Variants in VTI1A observed in about 807,000 individuals in gnomAD.
VTI1A encodes vesicle transport through interaction with t-SNAREs 1A, also known as vesicle transport through interaction with t-SNAREs homolog 1A.
Under a neutral mutation model 34.9 loss-of-function variants are expected in VTI1A, and 22 were observed. The observed-to-expected ratio is 0.63, with a 90% CI of 0.45 to 0.90. VTI1A has a LOEUF of 0.90. Among genes scored for constraint, VTI1A ranks in the 40% least tolerant of loss-of-function variants. The probability of loss-of-function intolerance (pLI) is 0.00; values close to 1 mark genes in which losing one functional copy is unlikely to be tolerated. For synonymous variants in VTI1A, 87 were observed against 97.3 expected (o/e 0.89, Z 0.62); for missense variants, 268 against 275.6 (o/e 0.97, Z 0.20).
At chr10:112,798,179 G>C (rs1234999222) in intron 7 of VTI1A, among the ~76,000 whole-genome samples, 1 of 152,156 alleles carries the variant, frequency 6.6e-6, no homozygotes, top group African/African-American at 2.4e-5. Context: ...CTGTGCAGGT[G>C]GGACCCTCAG....
intron 5 of VTI1A, among the ~76,000 whole-genome samples, chr10:112,628,776 A>C (rs1846016292): frequency 6.6e-6 from 1 of 152,150 alleles, no homozygotes; most frequent in Non-Finnish European, 1.5e-5. Context: ...TTTCTTATTT[A>C]AAGTCTTTTA....
intron 7 of VTI1A, among the ~76,000 whole-genome samples, chr10:112,719,358 T>C (rs987269768): frequency 6.6e-6 from 1 of 152,250 alleles, no homozygotes; most frequent in African/African-American, 2.4e-5. Context: ...CAAACATACA[T>C]GTTCCTTGCA....
downstream of VTI1A, among the ~76,000 whole-genome samples, chr10:112,822,636 C>G (rs888476394): frequency 6.6e-6 from 1 of 152,132 alleles, no homozygotes; most frequent in East Asian, 1.9e-4. Flanking sequence ...GTCAGAGACT[C>G]TCCGCTCAAT....
chr10:112,479,324 C>T (rs1031731643), intron 3 of VTI1A, among the ~76,000 whole-genome samples: 2 of 150,934 alleles, frequency 1.3e-5, no homozygotes, highest in East Asian at 1.9e-4. Flanking sequence ...GACTTAGACA[C>T]TACCTCAGAA....
intron 1 of VTI1A, chr10:112,448,970 C>T (rs1345576421): frequency 6.6e-6 from 1 of 152,204 alleles, no homozygotes; most frequent in Non-Finnish European, 1.5e-5. Flanking sequence ...TGGATGATGT[C>T]TTAAAGAGGT....
intron 7 of VTI1A, among the ~76,000 whole-genome samples, chr10:112,793,187 G>A (rs896924471): frequency 2.6e-5 from 4 of 152,210 alleles, no homozygotes; most frequent in South Asian, 2.1e-4. Context: ...GGAGGTAACC[G>A]GAGGAAGATT....
rs139229040 is a variant in VTI1A at position 112,452,293 on chromosome 10, G to A, written c.94+4826G>A. 2.6e-3 allele frequency among the ~76,000 whole-genome samples: 400 copies of A among 152,220 alleles called. 3 individuals are homozygous for A. The highest frequency in any genetic ancestry group is 4.5e-3 in the Non-Finnish European group (304 of 68,016). ...ATAAAAAATTTAAGCATTTAGGGCC[G>A]GGCGCGGTGGCTCACACTGTAATCT... On this transcript the variant is annotated intron_variant, in intron 1 of 7. Coordinates refer to ENST00000393077, the MANE Select transcript of VTI1A (RefSeq NM_145206.4).
At chr10:112,815,246 T>C in intron 7 of VTI1A, 44 bp from the exon 8 acceptor site, 1 of 1,464,194 alleles carries the variant, frequency 6.8e-7, no homozygotes, top group Non-Finnish European at 9.3e-7. Context: ...TGGGAAGGCC[T>C]TCCACTTATC....
chr10:112,506,505 T>C (rs1036468679), intron 3 of VTI1A, among the ~76,000 whole-genome samples: 1 of 152,202 alleles, frequency 6.6e-6, no homozygotes, highest in African/African-American at 2.4e-5. Flanking sequence ...CTTTGGGTTT[T>C]TGCAGTCTAC....
rs186532627 is a variant in VTI1A, at chr10:112,537,996, A to G, written c.343-250A>G. Among the ~76,000 whole-genome samples, 14 of 152,290 alleles carry G rather than the reference A, an allele frequency of 9.2e-5. No individual in the cohort carries two copies. In the East Asian group the frequency reaches 2.7e-3, roughly 29 times the overall value. ...GTACTTTTCTCAGTATTTTGAAGTA[A>G]GATTCATTGTGGCCACATACAACAC... On this transcript the variant is annotated intron_variant, in intron 4 of 7. Coordinates refer to ENST00000393077, the MANE Select transcript of VTI1A (RefSeq NM_145206.4).
chr10:112,678,412 C>T lies in VTI1A; in HGVS notation c.560+9414C>T, dbSNP rs569188447. Among the ~76,000 whole-genome samples, 30 of 152,280 alleles carry T rather than the reference C, an allele frequency of 2.0e-4. No individual in the cohort carries two copies. The South Asian group carries it at 5.6e-3, about 28-fold the overall frequency. ...CCCCTTGTAAATGGCTATTTATTAA[C>T]ATATACCATCACCAAACAACATTTT... On this transcript the variant is annotated intron_variant, in intron 7 of 7. Coordinates refer to ENST00000393077, the MANE Select transcript of VTI1A (RefSeq NM_145206.4).
rs75848344 is a variant in VTI1A at position 112,692,223 on chromosome 10, T to C, written c.560+23225T>C. The stretch of plus-strand genomic sequence containing the variant: ...TGTCTCCCTATCTGTGCAGAAATGC[T>C]TTAAAGTTAATTACAGACGGTATAA... On this transcript the variant is annotated intron_variant, in intron 7 of 7. Coordinates refer to ENST00000393077, the MANE Select transcript of VTI1A (RefSeq NM_145206.4). Among the ~76,000 whole-genome samples the C allele has an allele frequency of 7.4e-3, 1,132 of 152,348 alleles. 13 individuals carry two copies. The highest frequency in any genetic ancestry group is 0.026 in the African/African-American group (1,094 of 41,580).
At chr10:112,609,379 T>C (rs1486191116) in intron 5 of VTI1A, among the ~76,000 whole-genome samples, 1 of 152,216 alleles carries the variant, frequency 6.6e-6, no homozygotes, top group East Asian at 1.9e-4. Flanking sequence ...TTTTGGGTAG[T>C]TAAAAATCAC....
At chr10:112,471,812 A>G (rs1453741567) in intron 3 of VTI1A, among the ~76,000 whole-genome samples, 1 of 151,400 alleles carries the variant, frequency 6.6e-6, no homozygotes, top group Non-Finnish European at 1.5e-5. Flanking sequence ...AAAAAAAAAA[A>G]TGTAGTTAAG....
chr10:112,483,691 G>C (rs1848523228), intron 3 of VTI1A, among the ~76,000 whole-genome samples: 1 of 152,088 alleles, frequency 6.6e-6, no homozygotes, highest in Non-Finnish European at 1.5e-5. Flanking sequence ...TCAAAAGATG[G>C]CTCCAGATAT....
intron 1 of VTI1A, among the ~76,000 whole-genome samples, chr10:112,454,676 T>C (rs956632429): frequency 3.3e-5 from 5 of 150,566 alleles, no homozygotes; most frequent in Admixed American, 6.6e-5. Context: ...CTAAGACTTA[T>C]GTGTATGTAC....
At chr10:112,579,123 G>C (rs147194202) in intron 5 of VTI1A, among the ~76,000 whole-genome samples, 1 of 152,198 alleles carries the variant, frequency 6.6e-6, no homozygotes, top group Non-Finnish European at 1.5e-5. Context: ...AAGAGATGCC[G>C]TATCCCAGTA....
At chr10:112,769,711 G>C (rs917657026) in intron 7 of VTI1A, among the ~76,000 whole-genome samples, 1 of 152,176 alleles carries the variant, frequency 6.6e-6, no homozygotes, top group African/African-American at 2.4e-5. Flanking sequence ...TATTGGAAAG[G>C]TATATGGCAA....
intron 7 of VTI1A, among the ~76,000 whole-genome samples, chr10:112,683,374 T>C (rs1301579567): frequency 6.6e-6 from 1 of 152,202 alleles, no homozygotes; most frequent in African/African-American, 2.4e-5. Context: ...CTGAGTGGTC[T>C]TTGGTAGACT....
Sources: gnomAD v4.1 joint callset for allele counts (sites outside exome capture counted in the v4.1 genomes callset) on GRCh38, gnomAD v4.1.1 for gene constraint, MANE v1.5 for transcripts, NCBI Gene and HGNC (gene_info 2026-07-23, HGNC 2026-07-21) for gene names.